IFNAR2: variants seen among roughly 807,000 people sequenced by gnomAD.
The protein encoded by IFNAR2 is interferon alpha/beta receptor 2.
In IFNAR2, 30 loss-of-function variants were observed where a neutral mutation model predicts 49.4. The ratio of observed to expected loss-of-function variants is 0.61; its 90% confidence interval spans 0.45 to 0.82. IFNAR2 has a LOEUF of 0.82. Ranked by LOEUF, IFNAR2 falls within the 40% of genes least tolerant of loss-of-function variation. IFNAR2 has a pLI of 0.00. For synonymous variants in IFNAR2, 224 were observed against 234.5 expected (o/e 0.96, Z 0.41); for missense variants, 600 against 622.7 (o/e 0.96, Z 0.39).
intron 6 of IFNAR2, among the ~76,000 whole-genome samples, chr21:33,250,096 G>A (rs557356726): frequency 1.4e-4 from 22 of 152,270 alleles, no homozygotes; most frequent in African/African-American, 5.3e-4. Flanking sequence ...AATCCAGGGT[G>A]GCAGTCACTT....
In IFNAR2 at chr21:33,248,841, G is replaced by T; in HGVS notation, c.527G>T (p.Gly176Val). The T allele has an allele frequency of 6.2e-7, 1 of 1,602,324 alleles. No homozygotes were observed. Reference protein sequence around the residue: ...LSLVIEEQSEGIVKKHKPEIK... With the variant: ...LSLVIEEQSEVIVKKHKPEIK... ...CTCGTCATTGAAGAACAGTCAGAGG[G>T]AATTGTTAAGAAGGTAAGTGGCTTC... Residue 176 changes from glycine to valine, a missense_variant, in exon 6 of 9, where the codon GGA becomes GTA. By Grantham distance (109) the Gly-to-Val change is moderately radical. Coordinates refer to ENST00000342136, the MANE Select transcript of IFNAR2 (RefSeq NM_001289125.3).
chr21:33,259,768 GTGGATTCTTGAACCC>G (rs1988442949), intron 7 of IFNAR2, among the ~76,000 whole-genome samples: 1 of 152,222 alleles, frequency 6.6e-6, no homozygotes, highest in Non-Finnish European at 1.5e-5. Flanking sequence ...GGAGGTGAGA[GTGGATTCTTGAACCC>G]TGTGCTATCT....
Position 33,242,728 on chromosome 21 carries a change from CAA to C in IFNAR2, c.55+770_55+771del, listed in dbSNP as rs1182507309. Among the ~76,000 whole-genome samples the C allele has an allele frequency of 9.9e-4, 48 of 48,580 alleles. 8 individuals carry two copies. The highest frequency in any genetic ancestry group is 4.2e-3 in the African/African-American group (46 of 11,032). 31.9% of individuals were successfully genotyped at this position (48,580 alleles called of 152,430 possible). Reference sequence around the variant, plus strand: ...AGCCTGACAGAGCAAGACTCTGTCTCAAAAAAAAAAAAAAAAAAAATCTCGTG... The same window carrying C: ...AGCCTGACAGAGCAAGACTCTGTCTCAAAAAAAAAAAAAAAAAATCTCGTG... On this transcript the variant is annotated intron_variant, in intron 2 of 8. Transcript: ENST00000342136.
At chr21:33,241,342 G>A (rs1986905634) in intron 1 of IFNAR2, among the ~76,000 whole-genome samples, 1 of 152,186 alleles carries the variant, frequency 6.6e-6, no homozygotes, top group Non-Finnish European at 1.5e-5. Context: ...CCTTGCAGAA[G>A]AGACTGGAAA....
At chr21:33,254,799 TA>T (rs1988097529) in intron 7 of IFNAR2, among the ~76,000 whole-genome samples, 1 of 152,198 alleles carries the variant, frequency 6.6e-6, no homozygotes, top group Non-Finnish European at 1.5e-5. Context: ...TATGTCTCCC[TA>T]AAATGTATAA....
chr21:33,257,487 AGTGCC>A (rs1180634121), intron 7 of IFNAR2, among the ~76,000 whole-genome samples: 1 of 152,044 alleles, frequency 6.6e-6, no homozygotes, highest in Non-Finnish European at 1.5e-5. Flanking sequence ...GTCCTATCAG[AGTGCC>A]CTTTTTTCAG....
At chr21:33,239,686 C>T (rs1029638827) in intron 1 of IFNAR2, among the ~76,000 whole-genome samples, 1 of 150,084 alleles carries the variant, frequency 6.7e-6, no homozygotes, top group South Asian at 2.1e-4. Flanking sequence ...CTATACCCTC[C>T]ATTCTGCAGA....
chr21:33,244,866 T>G lies in IFNAR2; in HGVS notation c.98-85T>G. 6 of 1,399,512 alleles carry G rather than the reference T, an allele frequency of 4.3e-6. No homozygotes were observed. In the South Asian group the frequency reaches 7.2e-5, roughly 17 times the overall value. The allele number at this position is 1,399,512 out of a possible 1,614,324, so 86.7% of individuals were successfully genotyped here. A position where few individuals can be genotyped will look rare whatever the true frequency, so the allele number is the denominator to read the frequency against. On this transcript the variant is annotated intron_variant, in intron 3 of 8. Transcript: ENST00000342136. ...GAGGTTATCTGCCAGAGGTGTGGGT[T>G]CTAGATCCCAAGAAATGACTGAACA...
In IFNAR2 at chr21:33,260,731, G is replaced by T; in HGVS notation, c.840+4G>T. On this transcript the variant is annotated splice_donor_region_variant and intron_variant, in intron 8 of 8. Coordinates refer to ENST00000342136, the MANE Select transcript of IFNAR2 (RefSeq NM_001289125.3). Reference sequence around the variant, plus strand: ...AAATAGCCTCCCCAAAGTCTTGGTAGGTAGTTTTTTTGTTTTGTTTTGTTT... The same window carrying T: ...AAATAGCCTCCCCAAAGTCTTGGTATGTAGTTTTTTTGTTTTGTTTTGTTT... The T allele has an allele frequency of 1.4e-6, 2 of 1,476,316 alleles. No homozygotes were observed. The highest frequency in any genetic ancestry group is 1.5e-5 in the South Asian group (1 of 66,882). 91.5% of individuals were successfully genotyped at this position (1,476,316 alleles called of 1,614,324 possible).
At chr21:33,248,001 G>A (rs181784801) in intron 5 of IFNAR2, among the ~76,000 whole-genome samples, 2 of 152,300 alleles carry the variant, frequency 1.3e-5, no homozygotes, top group East Asian at 3.9e-4. Flanking sequence ...ATAGTTCATG[G>A]TATTTGGGTT....
chr21:33,245,761 C>T (rs1473958672), intron 4 of IFNAR2, among the ~76,000 whole-genome samples: 1 of 152,196 alleles, frequency 6.6e-6, no homozygotes, highest in Non-Finnish European at 1.5e-5. Context: ...TGGCCTAGAG[C>T]TGCTGCTGCT....
At chr21:33,237,700 C>A (rs1295056119) in intron 1 of IFNAR2, among the ~76,000 whole-genome samples, 2 of 151,990 alleles carry the variant, frequency 1.3e-5, no homozygotes, top group Non-Finnish European at 2.9e-5. Flanking sequence ...GGGATTAGTT[C>A]CAGGCAGTCG....
chr21:33,230,116 C>A lies in IFNAR2; in HGVS notation c.-184C>A. 1.0e-6 allele frequency: 1 copy of A among 990,420 alleles called. No homozygotes were observed. The highest frequency in any genetic ancestry group is 1.2e-6 in the Non-Finnish European group (1 of 832,362). 61.4% of individuals were successfully genotyped at this position (990,420 alleles called of 1,614,324 possible). Reference sequence around the variant, plus strand: ...CGCCGCTTCTGTCCGAGAGGCCGCCCGCGAGGCGCATCCTGACCGCGAGCG... The same window carrying A: ...CGCCGCTTCTGTCCGAGAGGCCGCCAGCGAGGCGCATCCTGACCGCGAGCG... On this transcript the variant is annotated 5_prime_UTR_variant, in exon 1 of 9. Coordinates refer to ENST00000342136, the MANE Select transcript of IFNAR2 (RefSeq NM_001289125.3). This position sits in a 1 kb window ranked among gnomAD's most constrained non-coding sequence, Gnocchi z 5.5.
intron 6 of IFNAR2, chr21:33,252,355 C>A: frequency 1.3e-6 from 1 of 793,222 alleles, no homozygotes; most frequent in Non-Finnish European, 1.8e-6. Flanking sequence ...AGAAGATAAT[C>A]TTGTAAAAAT....
In IFNAR2 at chr21:33,262,992, T is replaced by C; in HGVS notation, c.1040T>C (p.Leu347Pro). The C allele has an allele frequency of 6.2e-7, 1 of 1,614,150 alleles. No homozygotes were observed. Among genetic ancestry groups the C allele is most frequent in the Non-Finnish European group, 8.5e-7 (1 of 1,180,000 alleles). ...YTMHGLTVRP[L>P]GQASATSTES... ...ATGCATGGACTGACTGTCAGGCCTC[T>C]GGGTCAGGCCTCTGCCACCTCTACA... The change falls in exon 9 of 9, where the codon CTG (leucine) becomes CCG (proline). Residue 347 changes from leucine (L) to proline (P), a missense_variant. Coordinates refer to ENST00000342136, the MANE Select transcript of IFNAR2 (RefSeq NM_001289125.3).
chr21:33,237,607 G>A (rs1012169114), intron 1 of IFNAR2, among the ~76,000 whole-genome samples: 34 of 152,178 alleles, frequency 2.2e-4, no homozygotes, highest in African/African-American at 7.7e-4. Context: ...ACTAGGCAAC[G>A]CCTCTGCTGT....
At chr21:33,233,591 C>T (rs956433967) in intron 1 of IFNAR2, among the ~76,000 whole-genome samples, 3 of 152,158 alleles carry the variant, frequency 2.0e-5, no homozygotes, top group African/African-American at 7.2e-5. Context: ...CAGTGCAGCA[C>T]TAAATGCCAG....
rs757436161 is a variant in IFNAR2, at chr21:33,241,850, C to G, written c.-73C>G. The G allele has an allele frequency of 6.3e-7, 1 of 1,594,668 alleles. No individual in the cohort carries two copies. The highest frequency in any genetic ancestry group is 8.5e-7 in the Non-Finnish European group (1 of 1,170,220). ...TTTTTATATTTGCAGTTTAATTAGA[C>G]ACTTCAGAATTTTGATCACCTAATG... On this transcript the variant is annotated 5_prime_UTR_variant, in exon 2 of 9. Coordinates refer to ENST00000342136, the MANE Select transcript of IFNAR2 (RefSeq NM_001289125.3).
chr21:33,240,428 T>C (rs1410648684), intron 1 of IFNAR2, among the ~76,000 whole-genome samples: 1 of 152,208 alleles, frequency 6.6e-6, no homozygotes, highest in Non-Finnish European at 1.5e-5. Context: ...CTGATGTTCA[T>C]ACAACAAAAT....
Sources: allele counts gnomAD v4.1 joint callset (sites outside exome capture counted in the v4.1 genomes callset), GRCh38; gene constraint gnomAD v4.1.1; non-coding constraint Gnocchi (gnomAD v3.1); transcripts MANE v1.5; gene names NCBI Gene and HGNC (gene_info 2026-07-23, HGNC 2026-07-21).